Variants in VPS45 observed in about 807,000 individuals in gnomAD.
VPS45 encodes the protein vacuolar protein sorting 45 homolog.
VPS45 carries 35 observed loss-of-function variants against 75.9 expected under a neutral mutation model. The observed-to-expected ratio is 0.46, with a 90% confidence interval of 0.35 to 0.61. The LOEUF (loss-of-function observed/expected upper bound fraction) is 0.61, where lower values mean the gene tolerates loss of function less well. Among genes scored for constraint, VPS45 ranks in the 20% least tolerant of loss-of-function variants. The pLI, the probability that VPS45 is intolerant of heterozygous loss-of-function variation, is 0.00. For synonymous variants in VPS45, 220 were observed against 238.2 expected, an observed-to-expected ratio of 0.92 and a Z score of 0.70; for missense variants, 559 against 685.9, an observed-to-expected ratio of 0.81 and a Z score of 2.07.
intron 13 of VPS45, among the ~76,000 whole-genome samples, chr1:150,105,484 G>A (rs1553805510): frequency 1.3e-5 from 2 of 152,116 alleles, no homozygotes; most frequent in South Asian, 2.1e-4. Context: ...TAACATTCAA[G>A]CTGAGAATCA....
intron 14 of VPS45, among the ~76,000 whole-genome samples, chr1:150,132,856 C>T (rs1009711985): frequency 6.6e-6 from 1 of 152,110 alleles, no homozygotes; most frequent in Non-Finnish European, 1.5e-5. Flanking sequence ...TCCTTCATAC[C>T]ATTGTTGTGA....
intron 10 of VPS45, among the ~76,000 whole-genome samples, chr1:150,086,497 G>GTGTTT (rs141768240): frequency 0.012 from 1,889 of 152,052 alleles, 31 homozygotes; most frequent in African/African-American, 0.036. Flanking sequence ...TTTTGTGTGT[G>GTGTTT]TGTTTTGTTT....
chr1:150,095,905 A>C (rs1429497942), intron 13 of VPS45, among the ~76,000 whole-genome samples: 1 of 152,190 alleles, frequency 6.6e-6, no homozygotes, highest in Non-Finnish European at 1.5e-5. Flanking sequence ...GTGTTTTAAA[A>C]GATATTTGTG....
At chr1:150,122,188 G>A (rs587684891) in intron 14 of VPS45, among the ~76,000 whole-genome samples, 2 of 152,264 alleles carry the variant, frequency 1.3e-5, no homozygotes, top group East Asian at 3.9e-4. Flanking sequence ...GGGCCTGGTG[G>A]TGCACTCCTG....
chr1:150,074,645 C>T (rs1655266573), intron 3 of VPS45, among the ~76,000 whole-genome samples: 1 of 151,978 alleles, frequency 6.6e-6, no homozygotes, highest in Non-Finnish European at 1.5e-5. Flanking sequence ...ACCTTGGCCT[C>T]CCAAAGTGAT....
intron 7 of VPS45, among the ~76,000 whole-genome samples, chr1:150,077,993 A>C (rs587653093): frequency 2.0e-5 from 3 of 152,294 alleles, no homozygotes; most frequent in South Asian, 4.1e-4. Context: ...CCTTTCTGCC[A>C]GTACCTCCAC....
At chr1:150,090,933 A>T (rs1349479946) in intron 10 of VPS45, among the ~76,000 whole-genome samples, 2 of 152,196 alleles carry the variant, frequency 1.3e-5, no homozygotes, top group African/African-American at 4.8e-5. Flanking sequence ...AAAACCAGAT[A>T]CTTCTTGCAG....
intron 1 of VPS45, 198 bp downstream of exon 1, chr1:150,068,148 A>G (rs1473597638): frequency 1.8e-6 from 1 of 551,668 alleles, no homozygotes; most frequent in Non-Finnish European, 3.2e-6. Context: ...CCTAGAGACT[A>G]CTTCTACCCG....
intron 14 of VPS45, among the ~76,000 whole-genome samples, chr1:150,124,056 A>G (rs1258122239): frequency 6.6e-6 from 1 of 152,214 alleles, no homozygotes; most frequent in Non-Finnish European, 1.5e-5. Context: ...AGAATAATTA[A>G]TGATCCCATT....
chr1:150,103,811 A>G (rs1298839169), intron 13 of VPS45, among the ~76,000 whole-genome samples: 4 of 152,194 alleles, frequency 2.6e-5, no homozygotes, highest in African/African-American at 7.2e-5. Flanking sequence ...ATCGCTTTTT[A>G]AATTGACTTA....
At chr1:150,079,692 G>A (rs140948687) in intron 7 of VPS45, among the ~76,000 whole-genome samples, 20 of 152,248 alleles carry the variant, frequency 1.3e-4, no homozygotes, top group Middle Eastern at 3.4e-3. Context: ...GATGACAGGC[G>A]TGAGCCACCA....
intron 13 of VPS45, 58 bp downstream of exon 13, chr1:150,093,706 T>C (rs1352769855): frequency 2.5e-6 from 4 of 1,573,184 alleles, no homozygotes; most frequent in African/African-American, 1.4e-5. Context: ...ACAGAAAATT[T>C]AGAGTAATGT....
intron 14 of VPS45, among the ~76,000 whole-genome samples, chr1:150,112,670 T>C (rs1657709126): frequency 6.6e-6 from 1 of 152,156 alleles, no homozygotes; most frequent in Admixed American, 6.5e-5. Flanking sequence ...TAGCATCTCA[T>C]CTCAAAGTTA....
At chr1:150,070,989 G>T (rs1264562147) in intron 2 of VPS45, among the ~76,000 whole-genome samples, 2 of 151,828 alleles carry the variant, frequency 1.3e-5, no homozygotes, top group Non-Finnish European at 2.9e-5. Flanking sequence ...AGGTTTAAAA[G>T]ATTTATTATT....
chr1:150,067,781 C>T lies in VPS45; in HGVS notation c.-77C>T. ...CCGGCTGGGAGGAAGCAGCTGAGACCCGGCCAACAGACTGGGGGTTAATTT... is the reference window on the plus strand; with the variant it reads ...CCGGCTGGGAGGAAGCAGCTGAGACTCGGCCAACAGACTGGGGGTTAATTT... On this transcript the variant is annotated 5_prime_UTR_variant, in exon 1 of 15. Transcript: ENST00000644510. The T allele has an allele frequency of 6.8e-7, 1 of 1,471,792 alleles. No individual in the cohort carries two copies. The highest frequency in any genetic ancestry group is 9.4e-7 in the Non-Finnish European group (1 of 1,059,114). 91.2% of individuals were successfully genotyped at this position (1,471,792 alleles called of 1,614,324 possible).
chr1:150,083,698 T>C (rs946108839), intron 10 of VPS45, among the ~76,000 whole-genome samples: 1 of 148,434 alleles, frequency 6.7e-6, no homozygotes, highest in Admixed American at 6.7e-5. Flanking sequence ...ATATTTATAT[T>C]TGAAATATAC....
At chr1:150,078,266 A>G (rs1553798585) in intron 7 of VPS45, among the ~76,000 whole-genome samples, 1 of 152,224 alleles carries the variant, frequency 6.6e-6, no homozygotes, top group Non-Finnish European at 1.5e-5. Flanking sequence ...TACTAGGTTA[A>G]AAAGAAACTC....
intron 8 of VPS45, 105 bp downstream of exon 8, chr1:150,081,581 A>G (rs1655712584): frequency 2.3e-6 from 3 of 1,320,562 alleles, no homozygotes; most frequent in Admixed American, 2.6e-5. Flanking sequence ...ATGTGAAAGG[A>G]TGATAGGGGC....
chr1:150,097,803 A>G (rs1656757419), intron 13 of VPS45, among the ~76,000 whole-genome samples: 1 of 151,978 alleles, frequency 6.6e-6, no homozygotes, highest in Non-Finnish European at 1.5e-5. Context: ...TTATATATAT[A>G]ATATATTTTC....
Sources: gnomAD v4.1 joint callset for allele counts (sites outside exome capture counted in the v4.1 genomes callset) on GRCh38, gnomAD v4.1.1 for gene constraint, MANE v1.5 for transcripts, NCBI Gene and HGNC (gene_info 2026-07-23, HGNC 2026-07-21) for gene names.